FKBP15: variants seen among roughly 807,000 people sequenced by gnomAD.
FKBP15 encodes the protein FKBP prolyl isomerase family member 15.
FKBP15 carries 106 observed loss-of-function variants against 158.1 expected under a neutral mutation model. That is an observed-to-expected ratio of 0.67 (90% CI 0.57 to 0.79). The LOEUF (loss-of-function observed/expected upper bound fraction) is 0.79. Among genes scored for constraint, FKBP15 ranks in the 30% least tolerant of loss-of-function variants. The pLI is 0.00. For synonymous variants in FKBP15, 547 were observed against 548.6 expected (o/e 1.00, Z 0.04); for missense variants, 1,287 against 1,479.1 (o/e 0.87, Z 2.13).
Position 113,161,520 on chromosome 9 carries a change from T to C in FKBP15, c.*4558A>G. Reference sequence around the variant, plus strand: ...GCCTCCTTTGACAGGCATGGCCCTTTCGGTGTTGGTGCTCCTGCTTCTGGC... The same window carrying C: ...GCCTCCTTTGACAGGCATGGCCCTTCCGGTGTTGGTGCTCCTGCTTCTGGC... On this transcript the variant is annotated 3_prime_UTR_variant, in exon 28 of 28. Coordinates refer to ENST00000238256, the MANE Select transcript of FKBP15 (RefSeq NM_015258.2). The C allele has an allele frequency of 6.2e-7, 1 of 1,613,932 alleles. No individual in the cohort carries two copies. Among genetic ancestry groups the C allele is most frequent in the Non-Finnish European group, 8.5e-7 (1 of 1,179,866 alleles).
intron 27 of FKBP15, among the ~76,000 whole-genome samples, chr9:113,166,932 CT>C (rs1830108008): frequency 6.6e-6 from 1 of 152,204 alleles, no homozygotes; most frequent in Non-Finnish European, 1.5e-5. Context: ...CTAAGGCATT[CT>C]CTGCTCTGGT....
intron 6 of FKBP15, 113 bp downstream of exon 6, chr9:113,202,418 G>C: frequency 1.4e-6 from 1 of 708,550 alleles, no homozygotes; most frequent in Non-Finnish European, 2.3e-6. Context: ...GGTTTTTTAT[G>C]CTAGTCACTA....
intron 8 of FKBP15, among the ~76,000 whole-genome samples, chr9:113,197,317 A>G (rs1236874550): frequency 6.6e-6 from 1 of 152,186 alleles, no homozygotes; most frequent in Non-Finnish European, 1.5e-5. Flanking sequence ...AGATGATGAG[A>G]GAAAATGGGA....
rs73655843 is a variant in FKBP15 at position 113,204,915 on chromosome 9, C to T, written c.324+1594G>A. On this transcript the variant is annotated intron_variant, in intron 4 of 27. Transcript: ENST00000238256. ...ATATTATTCCTAGTTGTTTTAAGTGCCTTGTATGTTAACTGCAATATCTAG... is the reference window on the plus strand; with the variant it reads ...ATATTATTCCTAGTTGTTTTAAGTGTCTTGTATGTTAACTGCAATATCTAG... 5.5e-3 allele frequency among the ~76,000 whole-genome samples: 835 copies of T among 150,898 alleles called. 4 individuals carry two copies. Among genetic ancestry groups the T allele is most frequent in the African/African-American group, 0.016 (640 of 41,076 alleles).
chr9:113,214,433 A>T (rs565051309), intron 1 of FKBP15, among the ~76,000 whole-genome samples: 4 of 152,354 alleles, frequency 2.6e-5, no homozygotes, highest in African/African-American at 9.6e-5. Flanking sequence ...AATGGGCAGT[A>T]ATAATTTGAA....
chr9:113,206,481 T>A, intron 4 of FKBP15, 28 bp downstream of exon 4: 1 of 1,589,416 alleles, frequency 6.3e-7, no homozygotes, highest in East Asian at 2.2e-5. Flanking sequence ...GACATCTGAA[T>A]ATACATGAGA....
intron 22 of FKBP15, 64 bp downstream of exon 22, chr9:113,174,364 A>T: frequency 6.5e-7 from 1 of 1,540,322 alleles, no homozygotes; most frequent in Non-Finnish European, 8.8e-7. Flanking sequence ...AGAAACCAGA[A>T]GCTTTTCTCT....
chr9:113,199,849 T>G lies in FKBP15; in HGVS notation c.613A>C (p.Thr205Pro). Residue 205 changes from threonine to proline, a missense_variant, in exon 7 of 28, where the codon ACC (threonine) becomes CCC (proline). Coordinates refer to ENST00000238256, the MANE Select transcript of FKBP15 (RefSeq NM_015258.2). ...EVGDSLEVAYTGWLFQNHVLG... is the reference protein window; with the variant it reads ...EVGDSLEVAYPGWLFQNHVLG... ...ACATGATTCTGAAAGAGCCAGCCGG[T>G]ATAGGCCACTTCCAAAGAATCTCCA... is the stretch of plus-strand genomic sequence containing the variant. The G allele has an allele frequency of 6.2e-7, 1 of 1,613,098 alleles. No individual in the cohort carries two copies. Among genetic ancestry groups the G allele is most frequent in the Non-Finnish European group, 8.5e-7 (1 of 1,179,536 alleles).
rs147146336 is a variant in FKBP15, at chr9:113,162,645, A to G, written c.*3433T>C. On this transcript the variant is annotated 3_prime_UTR_variant, in exon 28 of 28. Transcript: ENST00000238256. ...GGTTAAGCATACAAGTTATAAATCA[A>G]TCGGGTCACGTAACTCAACAGCTTT... 19 of 1,056,364 alleles carry G rather than the reference A, an allele frequency of 1.8e-5. No homozygotes were observed. Among genetic ancestry groups the G allele is most frequent in the Middle Eastern group, 2.9e-4 (1 of 3,496 alleles). The allele number at this position is 1,056,364 out of a possible 1,614,324, so 65.4% of individuals were successfully genotyped here.
chr9:113,181,121 T>G (rs540492169), intron 19 of FKBP15, among the ~76,000 whole-genome samples: 2 of 152,344 alleles, frequency 1.3e-5, no homozygotes, highest in East Asian at 3.9e-4. Flanking sequence ...CTAAAAAATT[T>G]GTGTGAAACA....
chr9:113,199,697 G>A (rs1830749515), intron 7 of FKBP15, 117 bp downstream of exon 7: 1 of 1,094,886 alleles, frequency 9.1e-7, no homozygotes, highest in Non-Finnish European at 1.3e-6. Context: ...CTAAAGTGGG[G>A]ATCCTAAAAT....
intron 8 of FKBP15, among the ~76,000 whole-genome samples, chr9:113,197,965 C>A (rs776703512): frequency 2.0e-5 from 3 of 152,186 alleles, no homozygotes; most frequent in South Asian, 4.1e-4. Context: ...ATGGAGAGAA[C>A]CTTTTTGCCA....
At chr9:113,176,157 C>T (rs1830296243) in intron 21 of FKBP15, among the ~76,000 whole-genome samples, 1 of 152,180 alleles carries the variant, frequency 6.6e-6, no homozygotes, top group South Asian at 2.1e-4. Context: ...GGTACAGCCT[C>T]ATAGTAGGCT....
chr9:113,172,259 T>G (rs1340561569), intron 23 of FKBP15, among the ~76,000 whole-genome samples: 1 of 152,200 alleles, frequency 6.6e-6, no homozygotes, highest in African/African-American at 2.4e-5. Context: ...TGATGGACAT[T>G]TGGGTTGGTT....
intron 1 of FKBP15, among the ~76,000 whole-genome samples, chr9:113,217,993 G>A (rs886238078): frequency 2.0e-5 from 3 of 151,940 alleles, no homozygotes; most frequent in African/African-American, 7.3e-5. Flanking sequence ...GAAAAGTCAT[G>A]ACAGAATTAA....
rs112047223 is a variant in FKBP15 at position 113,169,006 on chromosome 9, C to T, written c.3485+218G>A. 1.6e-3 allele frequency among the ~76,000 whole-genome samples: 245 copies of T among 149,274 alleles called. 2 individuals carry two copies. Among genetic ancestry groups the T allele is most frequent in the African/African-American group, 5.9e-3 (230 of 39,268 alleles). ...ACTACCACAGTGCCCGCCACACTAC[C>T]GCAGGGCCCGCCACACTACCACAGG... On this transcript the variant is annotated intron_variant, in intron 26 of 27. Coordinates refer to ENST00000238256, the MANE Select transcript of FKBP15 (RefSeq NM_015258.2).
intron 25 of FKBP15, among the ~76,000 whole-genome samples, chr9:113,170,266 C>T (rs1437052680): frequency 6.6e-6 from 1 of 152,118 alleles, no homozygotes; most frequent in Non-Finnish European, 1.5e-5. Flanking sequence ...GCTGGGACTA[C>T]AGGCACGTGC....
In FKBP15 at chr9:113,184,529, G is replaced by T; in HGVS notation, c.1609-130C>A. 1.1e-6 allele frequency: 1 copy of T among 931,330 alleles called. No individual in the cohort carries two copies. The highest frequency in any genetic ancestry group is 1.7e-6 in the Non-Finnish European group (1 of 597,702). 57.7% of individuals were successfully genotyped at this position (931,330 alleles called of 1,614,324 possible). A position where few individuals can be genotyped will look rare whatever the true frequency, so the allele number is the denominator to read the frequency against. On this transcript the variant is annotated intron_variant, in intron 16 of 27. Transcript: ENST00000238256. The surrounding 1 kb of genome is among the most constrained non-coding windows in gnomAD (Gnocchi z 4.5). ...GACAATCTCTAACTGTTAAGTTAGA[G>T]TTTTCTCCTACTAACTGGATCCCAA...
intron 9 of FKBP15, among the ~76,000 whole-genome samples, chr9:113,196,317 A>T (rs7038133): frequency 0.23 from 34,632 of 151,776 alleles, 4,694 homozygotes; most frequent in African/African-American, 0.36. Flanking sequence ...AAGTAAAAAG[A>T]ATATACACTG....
Sources: allele counts gnomAD v4.1 joint callset (sites outside exome capture counted in the v4.1 genomes callset), GRCh38; gene constraint gnomAD v4.1.1; non-coding constraint Gnocchi (gnomAD v3.1); transcripts MANE v1.5; gene names NCBI Gene and HGNC (gene_info 2026-07-23, HGNC 2026-07-21).